The following EPG5 variants were observed in gnomAD, a reference collection of about 807,000 sequenced individuals.
EPG5 encodes ectopic P-granules 5 autophagy tethering factor.
Under a neutral mutation model 302.7 loss-of-function variants are expected in EPG5, and 159 were observed. The ratio of observed to expected loss-of-function variants is 0.53; its 90% confidence interval spans 0.46 to 0.60. EPG5 has a LOEUF of 0.60. EPG5 is among the 20% of genes least tolerant of loss of function. The probability of loss-of-function intolerance (pLI) is 0.00; values close to 1 mark genes in which losing one functional copy is unlikely to be tolerated. For synonymous variants in EPG5, 1,158 were observed against 1,136.8 expected (o/e 1.02, Z -0.37); for missense variants, 2,896 against 3,092.4 (o/e 0.94, Z 1.51).
intron 39 of EPG5, among the ~76,000 whole-genome samples, chr18:45,862,361 A>AT (rs1316236168): frequency 2.6e-5 from 4 of 151,766 alleles, no homozygotes; most frequent in African/African-American, 9.7e-5. Context: ...TATCTTTTTA[A>AT]TTTTCACCTT....
chr18:45,967,065 A>G, intron 1 of EPG5, 112 bp downstream of exon 1: 1 of 1,011,608 alleles, frequency 9.9e-7, no homozygotes, highest in South Asian at 1.7e-5. Context: ...GTGGAGGCGG[A>G]AGATGCAGAG....
At chr18:45,838,985 T>C in the EPG5 span, 1 of 1,600,192 alleles carries the variant, frequency 6.2e-7, no homozygotes, top group Non-Finnish European at 8.5e-7. Context: ...CTGTTCCGCT[T>C]CCATGGCGCC....
At chr18:45,962,498 G>C (rs2051171798) in intron 1 of EPG5, among the ~76,000 whole-genome samples, 2 of 152,208 alleles carry the variant, frequency 1.3e-5, no homozygotes, top group African/African-American at 4.8e-5. Context: ...AGGGTGCTCA[G>C]AGTTGGGGGA....
At position 45,954,742 on chromosome 18, in the gene EPG5, T is replaced by C. The variant is rs1163243367; in HGVS notation, c.660A>G (p.Pro220=). The C allele has an allele frequency of 6.2e-7, 1 of 1,613,888 alleles. No homozygotes were observed. The highest frequency in any genetic ancestry group is 8.5e-7 in the Non-Finnish European group (1 of 1,179,980). The change falls in exon 2 of 44, where the codon CCA becomes CCG. Residue 220 remains proline (P), a synonymous_variant. Coordinates refer to ENST00000282041, the MANE Select transcript of EPG5 (RefSeq NM_020964.3). ...CTGGTGCTTCTCCAGCAATTTCAGC[T>C]GGCAACTGGGGATACAGTTTCTTCA... ...PRVKKLYPQL[P]AEIAGEAPAL...
At chr18:45,834,137 G>A in the EPG5 span, among the ~76,000 whole-genome samples, 14 of 152,112 alleles carry the variant, frequency 9.2e-5, no homozygotes. Flanking sequence ...CTTTCTCAAG[G>A]CTCTGCTGAA....
At chr18:45,801,348 T>G in the EPG5 span, among the ~76,000 whole-genome samples, 1 of 152,130 alleles carries the variant, frequency 6.6e-6, no homozygotes, top group Admixed American at 6.6e-5. Context: ...GTGTGTTTGT[T>G]TTTTGAGACA....
chr18:45,962,044 C>G (rs971925990), intron 1 of EPG5, among the ~76,000 whole-genome samples: 20 of 150,528 alleles, frequency 1.3e-4, no homozygotes, highest in African/African-American at 3.9e-4. Context: ...ATGTTAAGCT[C>G]CACTAAGGCC....
the EPG5 span, among the ~76,000 whole-genome samples, chr18:45,834,595 G>A: frequency 3.9e-5 from 6 of 152,276 alleles, no homozygotes; most frequent in East Asian, 1.9e-4. Flanking sequence ...CCATCTTTAC[G>A]GCATCTGGCA....
At chr18:45,826,403 G>T in the EPG5 span, among the ~76,000 whole-genome samples, 1 of 152,282 alleles carries the variant, frequency 6.6e-6, no homozygotes, top group East Asian at 1.9e-4. Flanking sequence ...GAATCCCTGG[G>T]GTTAGGAGAG....
chr18:45,890,065 G>A lies in EPG5; in HGVS notation c.4810-125C>T. On this transcript the variant is annotated intron_variant, in intron 27 of 43. Transcript: ENST00000282041. ...AAAATTTGTATCTCTTTATATGACT[G>A]CCTTATAAACTGGTAAGATCTTGAA... 3 of 685,184 alleles carry A rather than the reference G, an allele frequency of 4.4e-6. No individual in the cohort carries two copies. The South Asian group carries it at 7.4e-5, about 17-fold the overall frequency. 42.4% of individuals were successfully genotyped at this position (685,184 alleles called of 1,614,324 possible). A position where few individuals can be genotyped will look rare whatever the true frequency, so the allele number is the denominator to read the frequency against.
At chr18:45,803,385 T>C in the EPG5 span, among the ~76,000 whole-genome samples, 1 of 151,764 alleles carries the variant, frequency 6.6e-6, no homozygotes, top group Non-Finnish European at 1.5e-5. Context: ...CCCTGGAGAG[T>C]ATACAACAGC....
At chr18:45,912,022 G>C (rs1326999277) in intron 22 of EPG5, among the ~76,000 whole-genome samples, 1 of 152,158 alleles carries the variant, frequency 6.6e-6, no homozygotes, top group African/African-American at 2.4e-5. Flanking sequence ...ATCTCCAGAA[G>C]TTCTGTGTGA....
chr18:45,867,276 C>T (rs1017920248), intron 37 of EPG5, among the ~76,000 whole-genome samples: 3 of 152,094 alleles, frequency 2.0e-5, no homozygotes, highest in Admixed American at 6.5e-5. Flanking sequence ...GTGGGACATG[C>T]CAAAATTGAC....
At chr18:45,965,986 G>C (rs2051243049) in intron 1 of EPG5, among the ~76,000 whole-genome samples, 2 of 152,078 alleles carry the variant, frequency 1.3e-5, no homozygotes, top group South Asian at 2.1e-4. Context: ...CCGGGAGGCG[G>C]AGGTTGCGGT....
chr18:45,821,277 T>C, the EPG5 span, among the ~76,000 whole-genome samples: 1 of 152,242 alleles, frequency 6.6e-6, no homozygotes, highest in Non-Finnish European at 1.5e-5. Context: ...ATGCATGCAC[T>C]ATAAAGCAGC....
intron 30 of EPG5, among the ~76,000 whole-genome samples, chr18:45,882,700 A>C (rs889749567): frequency 5.3e-5 from 8 of 152,082 alleles, no homozygotes; most frequent in Admixed American, 5.2e-4. Flanking sequence ...GAAGTACATA[A>C]AAGAATATAA....
chr18:45,888,907 C>A (rs1200278850), intron 28 of EPG5, among the ~76,000 whole-genome samples: 1 of 152,122 alleles, frequency 6.6e-6, no homozygotes, highest in African/African-American at 2.4e-5. Flanking sequence ...AAACACAAAA[C>A]CCTGATTTCT....
intron 1 of EPG5, among the ~76,000 whole-genome samples, chr18:45,960,276 A>C (rs1375435672): frequency 6.6e-6 from 1 of 152,168 alleles, no homozygotes; most frequent in Non-Finnish European, 1.5e-5. Context: ...TTTTAAAAAA[A>C]AATCAGAGAC....
In EPG5 at chr18:45,860,365, C is replaced by T. The variant is rs1241299107; in HGVS notation, c.6767-19G>A. On this transcript the variant is annotated intron_variant, in intron 39 of 43. Coordinates refer to ENST00000282041, the MANE Select transcript of EPG5 (RefSeq NM_020964.3). ...TCCATGTCTGAAAGGAATATAGACA[C>T]ACTCAAGAATGGCTGCCAGAAAGGT... is the stretch of plus-strand genomic sequence containing the variant. 2.0e-5 allele frequency: 33 copies of T among 1,613,910 alleles called. No individual in the cohort carries two copies. Among genetic ancestry groups the T allele is most frequent in the Non-Finnish European group, 2.5e-5 (30 of 1,179,910 alleles).
Sources: gnomAD v4.1 joint callset for allele counts (sites outside exome capture counted in the v4.1 genomes callset) on GRCh38, gnomAD v4.1.1 for gene constraint, MANE v1.5 for transcripts, NCBI Gene and HGNC (gene_info 2026-07-23, HGNC 2026-07-21) for gene names.